The following GNAI2 variants were observed in gnomAD, a reference collection of about 807,000 sequenced individuals.
The protein encoded by GNAI2 is guanine nucleotide-binding protein G(i) subunit alpha-2.
A neutral mutation model predicts 36.8 loss-of-function variants in GNAI2; 4 were observed. The ratio of observed to expected loss-of-function variants is 0.11; its 90% CI spans 0.05 to 0.25. The LOEUF (loss-of-function observed/expected upper bound fraction) is 0.25, where lower values mean the gene tolerates loss of function less well. Ranked by LOEUF, GNAI2 falls within the 10% of genes least tolerant of loss-of-function variation. The pLI, the probability that GNAI2 is intolerant of heterozygous loss-of-function variation, is 1.00. For missense variants in GNAI2, 230 were observed against 481.3 expected, an observed-to-expected ratio of 0.48 and a Z score of 4.89; for synonymous variants, 194 against 194.1, an observed-to-expected ratio of 1.00 and a Z score of 0.01.
chr3:50,249,749 T>C (rs1700510216), intron 1 of GNAI2, among the ~76,000 whole-genome samples: 1 of 152,196 alleles, frequency 6.6e-6, no homozygotes, highest in South Asian at 2.1e-4. Context: ...CCTCCCCTCA[T>C]CCTGGAAAGC....
chr3:50,241,795 G>A lies in GNAI2; in HGVS notation c.118+5342G>A, dbSNP rs1230180403. 1.3e-5 allele frequency among the ~76,000 whole-genome samples: 2 copies of A among 152,190 alleles called. No homozygotes were observed. Among genetic ancestry groups the A allele is most frequent in the Non-Finnish European group, 2.9e-5 (2 of 68,022 alleles). ...CCTAGGCTGCTGGATGGGGCCTGGG[G>A]ATGGTCCGGGACCCCTTTGGCCCTG... On this transcript the variant is annotated intron_variant, in intron 1 of 8. Coordinates refer to ENST00000313601, the MANE Select transcript of GNAI2 (RefSeq NM_002070.4). The surrounding 1 kb of genome is among the most constrained non-coding windows in gnomAD (Gnocchi z 5.0).
chr3:50,256,035 A>G (rs1170590582), intron 4 of GNAI2, among the ~76,000 whole-genome samples, 157 bp from the exon 5 acceptor site: 1 of 116,254 alleles, frequency 8.6e-6, no homozygotes, highest in Admixed American at 1.2e-4. Flanking sequence ...ACAGAGTAAC[A>G]CTCTGTCTCA....
chr3:50,239,934 G>C (rs1327637266), intron 1 of GNAI2: 3 of 152,270 alleles, frequency 2.0e-5, no homozygotes, highest in Non-Finnish European at 4.4e-5. Flanking sequence ...GAGAGTCCTG[G>C]TACTGGCCAG....
chr3:50,254,532 T>C (rs1700642917), intron 4 of GNAI2, among the ~76,000 whole-genome samples: 1 of 152,186 alleles, frequency 6.6e-6, no homozygotes, highest in Admixed American at 6.5e-5. Context: ...ATGGCCTGAA[T>C]GCTCTTGTGA....
intron 1 of GNAI2, among the ~76,000 whole-genome samples, chr3:50,237,105 T>G (rs1283094076): frequency 6.6e-6 from 1 of 152,162 alleles, no homozygotes; most frequent in Admixed American, 6.5e-5. Flanking sequence ...CCCGAAACCC[T>G]CTGCTGATCC....
exon 1 of GNAI2, chr3:50,230,946 G>A (rs1042525947): frequency 1.0e-6 from 1 of 985,468 alleles, no homozygotes; most frequent in Non-Finnish European, 1.2e-6. Context: ...TGATGACTGT[G>A]ACTGGCTCCT....
intron 1 of GNAI2, among the ~76,000 whole-genome samples, chr3:50,244,547 G>A (rs1026276780): frequency 2.0e-5 from 3 of 152,242 alleles, no homozygotes; most frequent in Admixed American, 6.5e-5. Context: ...GTCCAGAGGA[G>A]TGAAATGAAA....
chr3:50,238,083 G>A lies in GNAI2; in HGVS notation c.118+1630G>A, dbSNP rs1210547064. On this transcript the variant is annotated intron_variant, in intron 1 of 8. Coordinates refer to ENST00000313601, the MANE Select transcript of GNAI2 (RefSeq NM_002070.4). This position sits in a 1 kb window ranked among gnomAD's most constrained non-coding sequence, Gnocchi z 5.0. ...GGCCCAGCCTCCTGGGCTGCTTTGC[G>A]TTGGGCGCTTGCCTCTTCCTGTCTC... 1 of 152,248 alleles carries A rather than the reference G, an allele frequency of 6.6e-6. No individual in the cohort carries two copies. The highest frequency in any genetic ancestry group is 2.4e-5 in the African/African-American group (1 of 41,456). 9.4% of individuals were successfully genotyped at this position (152,248 alleles called of 1,614,324 possible). A position where few individuals can be genotyped will look rare whatever the true frequency, so the allele number is the denominator to read the frequency against.
At chr3:50,229,036 A>G (rs1700025464), upstream of GNAI2, 1 of 152,072 alleles carries the variant, frequency 6.6e-6, no homozygotes, top group Non-Finnish European at 1.5e-5. Flanking sequence ...CTGTTGCATC[A>G]CCTTCATTAG....
intron 1 of GNAI2, among the ~76,000 whole-genome samples, chr3:50,240,834 G>A (rs1027585770): frequency 2.0e-5 from 3 of 150,416 alleles, no homozygotes; most frequent in South Asian, 4.2e-4. Flanking sequence ...CACGAGAATC[G>A]CTTGAACCTG....
chr3:50,235,101 C>G (rs1256114755), upstream of GNAI2: 1 of 152,462 alleles, frequency 6.6e-6, no homozygotes, highest in East Asian at 1.9e-4. Flanking sequence ...CCTCCCAACC[C>G]CCTCACCCTG....
Position 50,259,103 on chromosome 3 carries a change from G to T in GNAI2, c.*760G>T, listed in dbSNP as rs1188008969. 4 of 365,344 alleles carry T rather than the reference G, an allele frequency of 1.1e-5. No individual in the cohort carries two copies. Among genetic ancestry groups the T allele is most frequent in the Non-Finnish European group, 2.1e-5 (4 of 188,084 alleles). 22.6% of individuals were successfully genotyped at this position (365,344 alleles called of 1,614,324 possible). ...TGCCCTCCACAGAATTGGGTTCCAA[G>T]GGCTGTTCCAGACAACTGCCAACGT... is the stretch of plus-strand genomic sequence containing the variant. On this transcript the variant is annotated 3_prime_UTR_variant, in exon 9 of 9. Transcript: ENST00000313601.
chr3:50,249,184 C>T (rs1434669574), intron 1 of GNAI2, among the ~76,000 whole-genome samples: 2 of 152,156 alleles, frequency 1.3e-5, no homozygotes, highest in African/African-American at 4.8e-5. Flanking sequence ...CTCGGGACTG[C>T]ATGGGGACCC....
intron 1 of GNAI2, among the ~76,000 whole-genome samples, chr3:50,248,936 T>C (rs1255157887): frequency 6.6e-6 from 1 of 151,720 alleles, no homozygotes; most frequent in African/African-American, 2.4e-5. Flanking sequence ...GCTAGGAAAA[T>C]CAGATGCAAA....
At chr3:50,235,756 T>C (rs1553700235), upstream of GNAI2, among the ~76,000 whole-genome samples, 1 of 152,228 alleles carries the variant, frequency 6.6e-6, no homozygotes. Flanking sequence ...TCATTAACTT[T>C]AACAAATGAC....
At chr3:50,247,959 A>C (rs1281879615) in intron 1 of GNAI2, among the ~76,000 whole-genome samples, 1 of 152,202 alleles carries the variant, frequency 6.6e-6, no homozygotes, top group Non-Finnish European at 1.5e-5. Flanking sequence ...CTCAGGCTGG[A>C]CGCGGTGGCT....
upstream of GNAI2, chr3:50,227,496 C>G: frequency 4.2e-6 from 1 of 240,350 alleles, no homozygotes; most frequent in Non-Finnish European, 8.0e-6. This position sits in a 1 kb window ranked among gnomAD's most constrained non-coding sequence, Gnocchi z 5.9. Flanking sequence ...ACCCCAGGCC[C>G]GCCAGGAGGC....
chr3:50,236,959 C>T lies in GNAI2; in HGVS notation c.118+506C>T, dbSNP rs1346137678. ...CCCATCCCTAGTCTGGAATCTGTAT[C>T]CTCCACCTGTGCACTCTGACCCAAG... On this transcript the variant is annotated intron_variant, in intron 1 of 8. Coordinates refer to ENST00000313601, the MANE Select transcript of GNAI2 (RefSeq NM_002070.4). The surrounding 1 kb of genome is among the most constrained non-coding windows in gnomAD (Gnocchi z 4.0). Among the ~76,000 whole-genome samples the T allele has an allele frequency of 5.3e-5, 8 of 152,150 alleles. No individual in the cohort carries two copies. Among genetic ancestry groups the T allele is most frequent in the Admixed American group, 3.9e-4 (6 of 15,270 alleles).
intron 1 of GNAI2, chr3:50,231,001 T>C: frequency 1.0e-6 from 1 of 978,130 alleles, no homozygotes; most frequent in Non-Finnish European, 1.2e-6. Flanking sequence ...AGCAAGGGGT[T>C]TGTTTCTTCA....
Sources: gnomAD v4.1 joint callset for allele counts (sites outside exome capture counted in the v4.1 genomes callset) on GRCh38, gnomAD v4.1.1 for gene constraint, Gnocchi (gnomAD v3.1) non-coding constraint, MANE v1.5 for transcripts, NCBI Gene and HGNC (gene_info 2026-07-23, HGNC 2026-07-21) for gene names.